MYO15A: variants seen among roughly 807,000 people sequenced by gnomAD.
MYO15A encodes unconventional myosin-XV.
A neutral mutation model predicts 394.6 loss-of-function variants in MYO15A; 308 were observed. That is an observed-to-expected ratio of 0.78 (90% confidence interval 0.71 to 0.86). The LOEUF is 0.86. MYO15A is among the 40% of genes least tolerant of loss of function. MYO15A has a pLI of 0.00. For synonymous variants in MYO15A, 1,957 were observed against 2,003.8 expected (o/e 0.98, Z 0.62); for missense variants, 4,606 against 4,799.1 (o/e 0.96, Z 1.19).
rs759870345 is a variant in MYO15A, at chr17:18,131,498, G to A, written c.4173G>A (p.Gln1391=). 3.7e-6 allele frequency: 6 copies of A among 1,613,924 alleles called. No homozygotes were observed. Among genetic ancestry groups the A allele is most frequent in the Non-Finnish European group, 5.1e-6 (6 of 1,179,986 alleles). ...TGATCTCTGGTGCCATAACCTCCCAGTACCTGCTTGAGAAATCCAGGATCG... is the reference window on the plus strand; with the variant it reads ...TGATCTCTGGTGCCATAACCTCCCAATACCTGCTTGAGAAATCCAGGATCG... ...GGVISGAITS[Q]YLLEKSRIVF... The change falls in exon 10 of 66, where the codon CAG becomes CAA. Residue 1391 remains glutamine (Q), a synonymous_variant. Coordinates refer to ENST00000647165, the MANE Select transcript of MYO15A (RefSeq NM_016239.4).
rs766033919 is a variant in MYO15A, at chr17:18,149,200, T to C, written c.6957-16T>C. On this transcript the variant is annotated splice_polypyrimidine_tract_variant and intron_variant, in intron 33 of 65. Transcript: ENST00000647165. ...CTCTCTGGGGGTCAGTAGCTCCATG[T>C]TCCTTTTCTCCACAGGGTGTTTGGG... 1.9e-6 allele frequency: 3 copies of C among 1,613,876 alleles called. No individual in the cohort carries two copies. The highest frequency in any genetic ancestry group is 2.2e-5 in the South Asian group (2 of 91,044).
At position 18,158,528 on chromosome 17, in the gene MYO15A, C is replaced by T. The variant is rs533341536; in HGVS notation, c.8973C>T (p.Pro2991=). 1.2e-6 allele frequency: 2 copies of T among 1,614,068 alleles called. No homozygotes were observed. Among genetic ancestry groups the T allele is most frequent in the East Asian group, 4.5e-5 (2 of 44,878 alleles). The part of the protein sequence containing the change: ...AQEVGRRREG[P]PVRARSADHG... ...TAGCTCCGCCTCTTCTGCAGGGTCCCCCAGTCAGGGCCCGCTCTGCTGACC... is the reference window on the plus strand; with the variant it reads ...TAGCTCCGCCTCTTCTGCAGGGTCCTCCAGTCAGGGCCCGCTCTGCTGACC... Residue 2991 remains proline, a synonymous_variant, in exon 52 of 66, where the codon CCC becomes CCT. Transcript: ENST00000647165.
Position 18,148,637 on chromosome 17 carries a change from C to G in MYO15A, c.6764+69C>G. On this transcript the variant is annotated intron_variant, in intron 32 of 65. Transcript: ENST00000647165. The surrounding 1 kb of genome is among the most constrained non-coding windows in gnomAD (Gnocchi z 4.8). Reference sequence around the variant, plus strand: ...GAATGTTGTGGGGGGAGGTCAGATCCCCCAGAGGGTCCCATAGGGTCCATT... The same window carrying G: ...GAATGTTGTGGGGGGAGGTCAGATCGCCCAGAGGGTCCCATAGGGTCCATT... 6.5e-7 allele frequency: 1 copy of G among 1,547,318 alleles called. No individual in the cohort carries two copies. The highest frequency in any genetic ancestry group is 2.0e-5 in the Admixed American group (1 of 50,942).
rs746349579 is a variant in MYO15A at position 18,156,163 on chromosome 17, C to T, written c.8460-32C>T. On this transcript the variant is annotated intron_variant, in intron 47 of 65. Transcript: ENST00000647165. ...AGGTGGAAGGAGGGCATCCCTCTGG[C>T]AGGGGAGTCATGCCACCGGCCCATC... The T allele has an allele frequency of 5.0e-6, 8 of 1,613,622 alleles. No homozygotes were observed. In the East Asian group the frequency reaches 1.8e-4, roughly 36 times the overall value.
intron 56 of MYO15A, chr17:18,161,015 G>A (rs888977557): frequency 8.0e-6 from 4 of 498,124 alleles, no homozygotes; most frequent in Admixed American, 2.9e-5. Flanking sequence ...TTTCCCAGAA[G>A]CCTCCCTAGA....
In MYO15A at chr17:18,150,842, G is replaced by A; in HGVS notation, c.7402G>A (p.Glu2468Lys). The A allele has an allele frequency of 6.3e-7, 1 of 1,594,860 alleles. No homozygotes were observed. The highest frequency in any genetic ancestry group is 8.5e-7 in the Non-Finnish European group (1 of 1,170,782). The change falls in exon 38 of 66, where the codon GAG becomes AAG. Residue 2468 changes from glutamate (E) to lysine (K), a missense_variant. Transcript: ENST00000647165. This position sits in a 1 kb window ranked among gnomAD's most constrained non-coding sequence, Gnocchi z 4.4. ...IHKQAVLLAR[E>K]MTLQATALQQ... Reference sequence around the variant, plus strand: ...CACTGCCACCTCTCCCCAGGCCCGGGAGATGACCCTGCAGGCCACGGCACT... The same window carrying A: ...CACTGCCACCTCTCCCCAGGCCCGGAAGATGACCCTGCAGGCCACGGCACT...
Position 18,121,463 on chromosome 17 carries a change from G to C in MYO15A, c.2663G>C (p.Arg888Pro), listed in dbSNP as rs1260632998. 1.9e-6 allele frequency: 3 copies of C among 1,549,406 alleles called. No individual in the cohort carries two copies. The highest frequency in any genetic ancestry group is 1.2e-5 in the South Asian group (1 of 84,040). Reference protein sequence around the residue: ...PPTRAVKPQVRLPFHRPPRAG... With the variant: ...PPTRAVKPQVPLPFHRPPRAG... ...ACTCGGGCTGTGAAGCCGCAAGTGC[G>C]CCTGCCCTTCCACCGACCGCCCAGG... Residue 888 changes from arginine to proline, a missense_variant, in exon 2 of 66, where the codon CGC (arginine) becomes CCC (proline). Arg to Pro is a moderately radical substitution (Grantham distance 103). Coordinates refer to ENST00000647165, the MANE Select transcript of MYO15A (RefSeq NM_016239.4). This position sits in a 1 kb window ranked among gnomAD's most constrained non-coding sequence, Gnocchi z 5.3.
At chr17:18,167,832 CTT>C in intron 62 of MYO15A, 109 bp downstream of exon 62, 1 of 1,510,154 alleles carries the variant, frequency 6.6e-7, no homozygotes, top group Non-Finnish European at 8.9e-7. Flanking sequence ...AGGCTCCCCT[CTT>C]ATACCAGTGG....
chr17:18,163,460 CTT>C (rs764164498), intron 59 of MYO15A, 139 bp downstream of exon 59: 108 of 982,820 alleles, frequency 1.1e-4, no homozygotes, highest in Admixed American at 1.8e-4. Context: ...CAAGGCAGGA[CTT>C]ATTTCTCAGA....
At chr17:18,138,353 G>A in intron 17 of MYO15A, 107 bp downstream of exon 17, 2 of 1,429,844 alleles carry the variant, frequency 1.4e-6, no homozygotes, top group Non-Finnish European at 1.9e-6. Flanking sequence ...CCTGAGTCAG[G>A]CAGTGGGGGG....
intron 7 of MYO15A, 105 bp from the exon 8 acceptor site, chr17:18,130,700 G>T: frequency 6.3e-7 from 1 of 1,593,508 alleles, no homozygotes; most frequent in Non-Finnish European, 8.6e-7. Context: ...GTCCCTCCCT[G>T]GTCTGAGGCT....
chr17:18,120,410 C>T lies in MYO15A; in HGVS notation c.1610C>T (p.Pro537Leu), dbSNP rs761641817. 6.2e-7 allele frequency: 1 copy of T among 1,603,694 alleles called. No individual in the cohort carries two copies. The highest frequency in any genetic ancestry group is 1.7e-5 in the Admixed American group (1 of 59,116). Residue 537 changes from proline (P) to leucine (L), a missense_variant, in exon 2 of 66, where the codon CCG (proline) becomes CTG (leucine). Pro to Leu is a moderately conservative substitution (Grantham distance 98, BLOSUM62 -3). Around this residue, in one of 2 missense-constraint regions of MYO15A, gnomAD observed 1,830 missense variants for 1,689.7 expected, o/e 1.08. Coordinates refer to ENST00000647165, the MANE Select transcript of MYO15A (RefSeq NM_016239.4). ...YGHPFWGFLTPRQRNLQRALS... is the reference protein window; with the variant it reads ...YGHPFWGFLTLRQRNLQRALS... ...CACCCTTTCTGGGGCTTCCTCACGCCGCGCCAGCGCAACCTCCAGCGCGCG... is the reference window on the plus strand; with the variant it reads ...CACCCTTTCTGGGGCTTCCTCACGCTGCGCCAGCGCAACCTCCAGCGCGCG...
At chr17:18,159,149 G>A in intron 53 of MYO15A, 126 bp from the exon 54 acceptor site, 1 of 1,375,492 alleles carries the variant, frequency 7.3e-7, no homozygotes, top group Non-Finnish European at 1.0e-6. Context: ...TGTCCCCAGT[G>A]TTGGGCCTGG....
In MYO15A at chr17:18,125,162, T is replaced by A. The variant is rs1360886591; in HGVS notation, c.3693-6T>A. The A allele has an allele frequency of 1.2e-6, 2 of 1,614,058 alleles. No homozygotes were observed. Among genetic ancestry groups the A allele is most frequent in the Non-Finnish European group, 1.7e-6 (2 of 1,179,960 alleles). Reference sequence around the variant, plus strand: ...GCACTGACGGCTTCTCTCTGTGTCCTTCTAGAGACCTCCAGGAAACCACTG... The same window carrying A: ...GCACTGACGGCTTCTCTCTGTGTCCATCTAGAGACCTCCAGGAAACCACTG... On this transcript the variant is annotated splice_region_variant and splice_polypyrimidine_tract_variant and intron_variant, in intron 3 of 65. Coordinates refer to ENST00000647165, the MANE Select transcript of MYO15A (RefSeq NM_016239.4).
In MYO15A at chr17:18,121,641, AG is replaced by A; in HGVS notation, c.2843del (p.Gly948AlafsTer38). 1 of 1,348,900 alleles carries A rather than the reference AG, an allele frequency of 7.4e-7. No individual in the cohort carries two copies. The highest frequency in any genetic ancestry group is 9.8e-7 in the Non-Finnish European group (1 of 1,015,606). 83.6% of individuals were successfully genotyped at this position (1,348,900 alleles called of 1,614,324 possible). A position where few individuals can be genotyped will look rare whatever the true frequency, so the allele number is the denominator to read the frequency against. On this transcript the variant is annotated frameshift_variant, in exon 2 of 66. Transcript: ENST00000647165. LOFTEE classifies it high-confidence loss of function. The surrounding 1 kb of genome is among the most constrained non-coding windows in gnomAD (Gnocchi z 5.3). Reference protein sequence around the residue: ...RPPSPWPGGAGSRRGFSRPPP... With the variant: ...RPPSPWPGGAXSRRGFSRPPP... ...CACCCTCCCCCTGGCCAGGAGGTGC[AG>A]GCAGCCGCCGAGGCTTTTCCAGGCC...
chr17:18,158,173 C>T (rs2046714271), intron 51 of MYO15A: 10 of 594,430 alleles, frequency 1.7e-5, no homozygotes, highest in South Asian at 6.4e-5. Context: ...TCAGACCAGC[C>T]GGGGCCCGCC....
At chr17:18,145,762 A>G (rs2046466330) in intron 29 of MYO15A, 110 bp from the exon 30 acceptor site, 1 of 892,436 alleles carries the variant, frequency 1.1e-6, no homozygotes. Flanking sequence ...AGGGACATTT[A>G]TATGGGCAGG....
At chr17:18,169,990 A>C (rs1261800862) in intron 62 of MYO15A, among the ~76,000 whole-genome samples, 2 of 145,706 alleles carry the variant, frequency 1.4e-5, no homozygotes, top group African/African-American at 4.9e-5. Context: ...AAAAAAAAAA[A>C]AAAAAAACCA....
rs1597797058 is a variant in MYO15A at position 18,144,597 on chromosome 17, G to T, written c.6273+5G>T. 7 of 1,611,020 alleles carry T rather than the reference G, an allele frequency of 4.3e-6. No homozygotes were observed. Among genetic ancestry groups the T allele is most frequent in the Non-Finnish European group, 5.1e-6 (6 of 1,179,886 alleles). On this transcript the variant is annotated splice_donor_5th_base_variant and intron_variant, in intron 29 of 65. Coordinates refer to ENST00000647165, the MANE Select transcript of MYO15A (RefSeq NM_016239.4). Reference sequence around the variant, plus strand: ...GCCGTGAGCATCTTCAAGCTGGTATGGGGTCTGCCCCAGCCCACCTTCTAA... The same window carrying T: ...GCCGTGAGCATCTTCAAGCTGGTATTGGGTCTGCCCCAGCCCACCTTCTAA...
Sources: allele counts gnomAD v4.1 joint callset (sites outside exome capture counted in the v4.1 genomes callset), GRCh38; gene constraint gnomAD v4.1.1; regional missense constraint gnomAD v4.1.1; non-coding constraint Gnocchi (gnomAD v3.1); transcripts MANE v1.5; gene names NCBI Gene and HGNC (gene_info 2026-07-23, HGNC 2026-07-21).